Variants in IMPG1 observed in about 807,000 individuals in gnomAD.
IMPG1 encodes interphotoreceptor matrix proteoglycan 1.
IMPG1 carries 85 observed loss-of-function variants against 92.0 expected under a neutral mutation model. That is an observed-to-expected ratio of 0.92 (90% CI 0.78 to 1.11). The LOEUF (loss-of-function observed/expected upper bound fraction) is 1.11. Among genes scored for constraint, IMPG1 ranks in the 50% least tolerant of loss-of-function variants. The pLI is 0.00. For synonymous variants in IMPG1, 367 were observed against 334.1 expected (o/e 1.10, Z -1.08); for missense variants, 1,022 against 956.0 (o/e 1.07, Z -0.91).
At chr6:75,973,738 T>C (rs917104363) in intron 12 of IMPG1, among the ~76,000 whole-genome samples, 2 of 152,226 alleles carry the variant, frequency 1.3e-5, no homozygotes, top group Admixed American at 6.5e-5. Flanking sequence ...CACAACAGAC[T>C]TAGCCTTTGT....
chr6:76,064,049 C>A (rs1216216467), intron 1 of IMPG1, among the ~76,000 whole-genome samples: 2 of 152,170 alleles, frequency 1.3e-5, no homozygotes, highest in Non-Finnish European at 2.9e-5. Flanking sequence ...GGGGACTACT[C>A]ATCTCCCTAC....
At chr6:75,950,158 A>G (rs1781999148) in intron 13 of IMPG1, among the ~76,000 whole-genome samples, 1 of 152,232 alleles carries the variant, frequency 6.6e-6, no homozygotes, top group Non-Finnish European at 1.5e-5. Flanking sequence ...CTGAACTCTC[A>G]GCCTCATCTG....
At chr6:76,044,415 C>T (rs1462067143) in intron 1 of IMPG1, among the ~76,000 whole-genome samples, 2 of 152,144 alleles carry the variant, frequency 1.3e-5, no homozygotes, top group South Asian at 2.1e-4. Flanking sequence ...CCCTACATGC[C>T]TGCCCTTCTC....
At chr6:76,055,242 G>A (rs940937493) in intron 1 of IMPG1, among the ~76,000 whole-genome samples, 5 of 151,976 alleles carry the variant, frequency 3.3e-5, no homozygotes, top group African/African-American at 1.2e-4. Flanking sequence ...AGAGAAGTAA[G>A]CTAGAAATTA....
At chr6:75,929,857 A>G (rs1336556274) in intron 15 of IMPG1, among the ~76,000 whole-genome samples, 1 of 152,026 alleles carries the variant, frequency 6.6e-6, no homozygotes, top group East Asian at 1.9e-4. Context: ...CATTCTTTTC[A>G]CGTGGATATC....
At chr6:75,956,083 T>G (rs2149459634) in intron 12 of IMPG1, among the ~76,000 whole-genome samples, 1 of 152,166 alleles carries the variant, frequency 6.6e-6, no homozygotes, top group Admixed American at 6.5e-5. Flanking sequence ...CTCTGCCAGG[T>G]TTTGATATCA....
intron 1 of IMPG1, among the ~76,000 whole-genome samples, chr6:76,059,348 T>TA (rs1334152366): frequency 6.6e-6 from 1 of 152,020 alleles, no homozygotes; most frequent in Non-Finnish European, 1.5e-5. Flanking sequence ...CATGGGCATT[T>TA]AAAATGACAC....
At chr6:76,041,352 C>T (rs1208305257) in intron 2 of IMPG1, among the ~76,000 whole-genome samples, 2 of 152,194 alleles carry the variant, frequency 1.3e-5, no homozygotes, top group East Asian at 1.9e-4. Flanking sequence ...AACACTCTTG[C>T]ATTATATCTT....
At chr6:76,028,666 A>G (rs746342200) in intron 4 of IMPG1, among the ~76,000 whole-genome samples, 1 of 152,150 alleles carries the variant, frequency 6.6e-6, no homozygotes, top group Non-Finnish European at 1.5e-5. Context: ...CGTCTCTACT[A>G]AAAAATAGAA....
rs190732579 is a variant in IMPG1, at chr6:76,060,837, A to G, written c.67+11585T>C. On this transcript the variant is annotated intron_variant, in intron 1 of 16. Coordinates refer to ENST00000369950, the MANE Select transcript of IMPG1 (RefSeq NM_001563.4). ...TTACCCCTGAGTGTGATACTTTATA[A>G]TATAGTGAGGAGGTCAGGACTTTTA... Among the ~76,000 whole-genome samples, 177 of 152,282 alleles carry G rather than the reference A, an allele frequency of 1.2e-3. 2 individuals carry two copies. The Middle Eastern group carries it at 0.024, about 20-fold the overall frequency.
intron 12 of IMPG1, among the ~76,000 whole-genome samples, chr6:75,965,075 A>T (rs1013037753): frequency 5.9e-5 from 9 of 152,192 alleles, no homozygotes; most frequent in African/African-American, 2.2e-4. Context: ...ATATAGATGT[A>T]CCACAGATGG....
intron 5 of IMPG1, chr6:76,024,788 T>C (rs1352031925): frequency 3.3e-6 from 1 of 306,616 alleles, no homozygotes; most frequent in Non-Finnish European, 6.3e-6. Flanking sequence ...TGCAACAGAA[T>C]GTTGCAAGTC....
chr6:75,935,837 G>T (rs13191233), intron 14 of IMPG1, among the ~76,000 whole-genome samples: 4,962 of 152,274 alleles, frequency 0.033, 124 homozygotes, highest in Non-Finnish European at 0.045. Context: ...TAATAGTCAT[G>T]AAGGCAAAGG....
At chr6:75,972,333 A>G (rs1438751013) in intron 12 of IMPG1, among the ~76,000 whole-genome samples, 1 of 152,208 alleles carries the variant, frequency 6.6e-6, no homozygotes, top group Non-Finnish European at 1.5e-5. Flanking sequence ...TGTTCCTGAC[A>G]ATGTTGAACT....
chr6:76,014,345 G>A (rs1376068930), intron 7 of IMPG1, among the ~76,000 whole-genome samples: 1 of 152,184 alleles, frequency 6.6e-6, no homozygotes, highest in Non-Finnish European at 1.5e-5. Context: ...AAACTCAGAG[G>A]GAGGAAGGAC....
At chr6:75,976,012 G>T (rs1287787451) in intron 12 of IMPG1, among the ~76,000 whole-genome samples, 1 of 151,996 alleles carries the variant, frequency 6.6e-6, no homozygotes, top group Non-Finnish European at 1.5e-5. Context: ...CTGTACAAAC[G>T]GTAGGTTGGA....
chr6:75,932,240 C>CA lies in IMPG1; in HGVS notation c.2045-1090dup, dbSNP rs1289484810. On this transcript the variant is annotated intron_variant, in intron 14 of 16. Coordinates refer to ENST00000369950, the MANE Select transcript of IMPG1 (RefSeq NM_001563.4). ...ATGTGTGAGAAGTTCCAGGGAAGGG[C>CA]AGAGCCCCAAGGGGGAGCTATTGGA... Among the ~76,000 whole-genome samples the CA allele has an allele frequency of 2.0e-5, 3 of 152,168 alleles. No homozygotes were observed. In the East Asian group the frequency reaches 5.8e-4, roughly 29 times the overall value.
At chr6:75,997,151 G>A (rs868572966) in intron 12 of IMPG1, among the ~76,000 whole-genome samples, 2 of 152,172 alleles carry the variant, frequency 1.3e-5, no homozygotes, top group African/African-American at 2.4e-5. Context: ...TAGGGATGAG[G>A]TGAAATTGGA....
intron 12 of IMPG1, among the ~76,000 whole-genome samples, chr6:75,967,825 G>A (rs1200983364): frequency 2.0e-5 from 3 of 152,128 alleles, no homozygotes; most frequent in African/African-American, 7.2e-5. Flanking sequence ...AAGAAAGAGT[G>A]GTTCAAGAAT....
Sources: allele counts gnomAD v4.1 joint callset (sites outside exome capture counted in the v4.1 genomes callset), GRCh38; gene constraint gnomAD v4.1.1; transcripts MANE v1.5; gene names NCBI Gene and HGNC (gene_info 2026-07-23, HGNC 2026-07-21).